The following RGS6 variants were observed in gnomAD, a reference collection of about 807,000 sequenced individuals.
RGS6 encodes regulator of G-protein signaling 6.
RGS6 carries 30 observed loss-of-function variants against 78.5 expected under a neutral mutation model. The observed-to-expected ratio is 0.38, with a 90% CI of 0.29 to 0.52. The LOEUF (loss-of-function observed/expected upper bound fraction) is 0.52. Ranked by LOEUF, RGS6 falls within the 20% of genes least tolerant of loss-of-function variation. The pLI, the probability that RGS6 is intolerant of heterozygous loss-of-function variation, is 0.85. For missense variants in RGS6, 495 were observed against 609.7 expected (o/e 0.81, Z 1.98); for synonymous variants, 206 against 206.0 (o/e 1.00, Z 0.00).
At chr14:72,321,337 A>G (rs1323439680) in intron 2 of RGS6, among the ~76,000 whole-genome samples, 1 of 152,044 alleles carries the variant, frequency 6.6e-6, no homozygotes, top group Non-Finnish European at 1.5e-5. Context: ...TCAAAATACT[A>G]TAAAGTAAGA....
intron 2 of RGS6, among the ~76,000 whole-genome samples, chr14:72,012,419 T>G (rs894948186): frequency 1.3e-5 from 2 of 152,234 alleles, no homozygotes; most frequent in African/African-American, 4.8e-5. Context: ...TCATGAACAT[T>G]TCCTTAGATA....
intron 14 of RGS6, 52 bp from the exon 15 acceptor site, chr14:72,518,299 C>T: frequency 1.3e-6 from 2 of 1,557,490 alleles, no homozygotes; most frequent in Non-Finnish European, 8.8e-7. Context: ...TCTCAGGCAA[C>T]ATCCCGATGC....
chr14:72,013,452 A>C (rs956272507), intron 2 of RGS6, among the ~76,000 whole-genome samples: 1 of 152,118 alleles, frequency 6.6e-6, no homozygotes, highest in African/African-American at 2.4e-5. Flanking sequence ...GTAATCTTGC[A>C]AATTTAAAAG....
intron 3 of RGS6, among the ~76,000 whole-genome samples, chr14:72,439,006 C>T (rs926046644): frequency 2.6e-5 from 4 of 152,294 alleles, no homozygotes; most frequent in African/African-American, 9.6e-5. Flanking sequence ...TGGGGAGGCT[C>T]TTCCTCCAAA....
chr14:72,579,663 C>T, the RGS6 span, among the ~76,000 whole-genome samples: 3 of 152,182 alleles, frequency 2.0e-5, no homozygotes, highest in Non-Finnish European at 4.4e-5. Context: ...GGCTGCTCAA[C>T]ACTCACCAAT....
chr14:71,956,470 T>C (rs2092802959), intron 1 of RGS6, among the ~76,000 whole-genome samples: 4 of 151,976 alleles, frequency 2.6e-5, no homozygotes, highest in Admixed American at 2.6e-4. Context: ...CACAAGAGGC[T>C]GTCTACAAGC....
At chr14:72,168,207 T>G (rs149669) in intron 2 of RGS6, among the ~76,000 whole-genome samples, 28,808 of 152,168 alleles carry the variant, frequency 0.19, 2,959 homozygotes, top group East Asian at 0.34. Context: ...ATCCCTTTCA[T>G]GCAGCACCTG....
At chr14:72,405,892 A>T (rs747705452) in intron 3 of RGS6, among the ~76,000 whole-genome samples, 17 of 152,320 alleles carry the variant, frequency 1.1e-4, no homozygotes, top group African/African-American at 3.8e-4. Flanking sequence ...TAAAGATTGG[A>T]ACGCTGTATT....
chr14:72,002,207 C>T (rs941203021), intron 2 of RGS6, among the ~76,000 whole-genome samples: 2 of 152,068 alleles, frequency 1.3e-5, no homozygotes, highest in Non-Finnish European at 2.9e-5. Flanking sequence ...CTCATTCTAC[C>T]TCACTTTCTG....
At chr14:72,062,120 A>G (rs2093924924) in intron 2 of RGS6, among the ~76,000 whole-genome samples, 1 of 152,232 alleles carries the variant, frequency 6.6e-6, no homozygotes, top group African/African-American at 2.4e-5. Context: ...GTGGTCAGGA[A>G]AGGCTGCTTT....
chr14:71,999,534 T>A (rs1195381998), intron 2 of RGS6, among the ~76,000 whole-genome samples: 1 of 152,214 alleles, frequency 6.6e-6, no homozygotes, highest in Non-Finnish European at 1.5e-5. Flanking sequence ...TTTGGCTCTG[T>A]GTTCCTGCTC....
At chr14:72,511,373 G>A (rs539451505) in intron 14 of RGS6, among the ~76,000 whole-genome samples, 16 of 152,274 alleles carry the variant, frequency 1.1e-4, no homozygotes, top group East Asian at 3.9e-4. Context: ...TGAGACCATC[G>A]GTCCCATACG....
the RGS6 span, among the ~76,000 whole-genome samples, chr14:71,892,965 G>T: frequency 6.6e-6 from 1 of 152,214 alleles, no homozygotes; most frequent in African/African-American, 2.4e-5. Context: ...TTCATGGGAC[G>T]GCAGCGATCT....
intron 2 of RGS6, among the ~76,000 whole-genome samples, chr14:71,976,222 C>A (rs1244476164): frequency 2.2e-5 from 3 of 139,270 alleles, no homozygotes; most frequent in African/African-American, 7.8e-5. Flanking sequence ...TCTTTTTTTT[C>A]TTTTTTTTTT....
chr14:72,036,542 A>C (rs72737812), intron 2 of RGS6, among the ~76,000 whole-genome samples: 19,804 of 152,116 alleles, frequency 0.13, 1,340 homozygotes, highest in East Asian at 0.17. Context: ...GTATTTTATC[A>C]TGATTTTAAT....
At chr14:72,253,127 A>G (rs558434326) in intron 2 of RGS6, among the ~76,000 whole-genome samples, 1 of 152,340 alleles carries the variant, frequency 6.6e-6, no homozygotes, top group South Asian at 2.1e-4. Context: ...TTTGGTCAAT[A>G]AAATGTGAGC....
intron 3 of RGS6, among the ~76,000 whole-genome samples, chr14:72,422,507 C>T (rs374633062): frequency 4.6e-5 from 7 of 152,000 alleles, no homozygotes; most frequent in Non-Finnish European, 7.4e-5. Flanking sequence ...GTCAAGTGGG[C>T]GAGAGAAAGA....
chr14:72,277,321 GGT>G (rs2060836763), intron 2 of RGS6, among the ~76,000 whole-genome samples: 1 of 152,208 alleles, frequency 6.6e-6, no homozygotes, highest in Non-Finnish European at 1.5e-5. Flanking sequence ...CTACTAGCCG[GGT>G]GCGGTGGCTC....
rs530398748 is a variant in RGS6 at position 72,285,658 on chromosome 14, A to T, written c.85-66437A>T. ...TCCACTAACAGTGTACAAGGGTTCC[A>T]GTTTCTTTACATCCTTGCCAGCACT... On this transcript the variant is annotated intron_variant, in intron 2 of 17. Coordinates refer to ENST00000553525, the MANE Select transcript of RGS6 (RefSeq NM_001204424.2). Among the ~76,000 whole-genome samples the T allele has an allele frequency of 5.3e-5, 8 of 152,304 alleles. No individual in the cohort carries two copies. In the South Asian group the frequency reaches 1.7e-3, roughly 32 times the overall value.
Sources: allele counts gnomAD v4.1 joint callset (sites outside exome capture counted in the v4.1 genomes callset), GRCh38; gene constraint gnomAD v4.1.1; transcripts MANE v1.5; gene names NCBI Gene and HGNC (gene_info 2026-07-23, HGNC 2026-07-21).